Variants in SLC9A7 observed in about 807,000 individuals in gnomAD.
The protein encoded by SLC9A7 is sodium/hydrogen exchanger 7.
Under a neutral mutation model 52.6 loss-of-function variants are expected in SLC9A7, and 19 were observed. The observed-to-expected ratio is 0.36, with a 90% confidence interval of 0.25 to 0.53. The LOEUF (loss-of-function observed/expected upper bound fraction) is 0.53, where lower values mean the gene tolerates loss of function less well. Ranked by LOEUF, SLC9A7 falls within the 20% of genes least tolerant of loss-of-function variation. SLC9A7 has a pLI of 0.91. For synonymous variants in SLC9A7, 226 were observed against 252.1 expected (o/e 0.90, Z 0.98); for missense variants, 455 against 597.9 (o/e 0.76, Z 2.49).
At chrX:46,709,530 T>C (rs1944656299) in intron 1 of SLC9A7, among the ~76,000 whole-genome samples, 1 of 111,999 alleles carries the variant, frequency 8.9e-6, no homozygotes, top group Non-Finnish European at 1.9e-5. Flanking sequence ...CTTTTTTTGA[T>C]GTTTTTAAAA....
chrX:46,679,960 C>T (rs139789929), intron 2 of SLC9A7, among the ~76,000 whole-genome samples: 1,270 of 112,171 alleles, frequency 0.011, 17 homozygotes, highest in African/African-American at 0.039. Context: ...CACTTTTGCT[C>T]TTATGATCTT....
Position 46,669,615 on chromosome X carries a change from G to C in SLC9A7, c.785C>G (p.Thr262Ser). 8.9e-7 allele frequency: 1 copy of C among 1,129,411 alleles called. No homozygotes were observed. The highest frequency in any genetic ancestry group is 1.2e-6 in the Non-Finnish European group (1 of 834,875). The allele number at this position is 1,129,411 out of a possible 1,213,427, so 93.1% of individuals were successfully genotyped here. A position where few individuals can be genotyped will look rare whatever the true frequency, so the allele number is the denominator to read the frequency against. ...CLFFGAIISA[T>S]DPVTVLAIFN... is the part of the protein sequence containing the mutation. ...TACACAAAGCCAAATACCTGGGTCAGTGGCAGAGATGATTGCTCCAAAAAA... is the reference window on the plus strand; with the variant it reads ...TACACAAAGCCAAATACCTGGGTCACTGGCAGAGATGATTGCTCCAAAAAA... The change falls in exon 5 of 17, where the codon ACT (threonine) becomes AGT (serine). Residue 262 changes from threonine (T) to serine (S), a missense_variant. By Grantham distance (58) the Thr-to-Ser change is moderately conservative. Transcript: ENST00000616978.
intron 16 of SLC9A7, among the ~76,000 whole-genome samples, chrX:46,612,403 G>A (rs1457479519): frequency 9.0e-6 from 1 of 111,368 alleles, no homozygotes; most frequent in Non-Finnish European, 1.9e-5. Context: ...CAGGAGTGCA[G>A]GAGTCAGCCC....
chrX:46,737,031 C>T (rs1345240967), intron 1 of SLC9A7, among the ~76,000 whole-genome samples: 3 of 111,987 alleles, frequency 2.7e-5, no homozygotes, highest in Non-Finnish European at 5.6e-5. Flanking sequence ...CATTTCCTTT[C>T]CCAAGAAAGT....
intron 1 of SLC9A7, among the ~76,000 whole-genome samples, chrX:46,755,604 G>A (rs373328669): frequency 9.1e-6 from 1 of 110,467 alleles, no homozygotes; most frequent in Non-Finnish European, 1.9e-5. Context: ...GCTGAGGTGG[G>A]TGGAGGTCAG....
chrX:46,663,916 G>A (rs764222193), intron 5 of SLC9A7, among the ~76,000 whole-genome samples: 111 of 111,660 alleles, frequency 9.9e-4, no homozygotes, highest in Middle Eastern at 4.6e-3. Context: ...CCGAGATTGC[G>A]CCATTGCACT....
At chrX:46,613,435 CAT>C in intron 15 of SLC9A7, 41 bp from the exon 16 acceptor site, 1 of 994,958 alleles carries the variant, frequency 1.0e-6, no homozygotes, top group African/African-American at 1.9e-5. Context: ...GCAAAGAAAA[CAT>C]ATACACAACA....
intron 1 of SLC9A7, among the ~76,000 whole-genome samples, chrX:46,752,456 C>A (rs1273773029): frequency 2.7e-5 from 3 of 111,500 alleles, no homozygotes; most frequent in Non-Finnish European, 3.8e-5. Context: ...ACTCACCCTG[C>A]CTTTTTGTTT....
At chrX:46,633,952 G>A (rs541877113) in intron 13 of SLC9A7, among the ~76,000 whole-genome samples, 1 of 111,468 alleles carries the variant, frequency 9.0e-6, no homozygotes, top group South Asian at 3.7e-4. Flanking sequence ...GATTACAGGC[G>A]TGAGCCACCA....
intron 13 of SLC9A7, among the ~76,000 whole-genome samples, chrX:46,633,101 A>G (rs1200217450): frequency 9.2e-6 from 1 of 108,112 alleles, no homozygotes; most frequent in African/African-American, 3.4e-5. Flanking sequence ...GGAAAATCCT[A>G]TATCTGCCAT....
chrX:46,712,021 T>C lies in SLC9A7; in HGVS notation c.326-29486A>G, dbSNP rs183832022. ...GAGAGGCAAGAAAATAAAGTCTTCT[T>C]TCTGGGAGGTCATTGAACCTTCTAA... is the stretch of plus-strand genomic sequence containing the variant. On this transcript the variant is annotated intron_variant, in intron 1 of 16. Coordinates refer to ENST00000616978, the MANE Select transcript of SLC9A7 (RefSeq NM_001257291.2). Among the ~76,000 whole-genome samples, 28 of 110,620 alleles carry C rather than the reference T, an allele frequency of 2.5e-4. No individual in the cohort carries two copies. The East Asian group carries it at 8.0e-3, about 32-fold the overall frequency.
At chrX:46,700,907 A>G (rs1602246358) in intron 1 of SLC9A7, among the ~76,000 whole-genome samples, 1 of 111,659 alleles carries the variant, frequency 9.0e-6, no homozygotes, top group Admixed American at 9.5e-5. Context: ...TATGTTTTTA[A>G]GTTTCTTTTT....
chrX:46,620,021 C>T (rs765431957), intron 15 of SLC9A7, among the ~76,000 whole-genome samples: 1 of 112,188 alleles, frequency 8.9e-6, no homozygotes, highest in South Asian at 3.6e-4. Flanking sequence ...TATTTGTGTA[C>T]TTTTCTGTAT....
intron 1 of SLC9A7, among the ~76,000 whole-genome samples, chrX:46,701,662 C>T (rs1248963481): frequency 1.8e-5 from 2 of 111,357 alleles, no homozygotes; most frequent in South Asian, 3.8e-4. Flanking sequence ...AGATATAGTA[C>T]ACCTCAGGGG....
At chrX:46,712,567 G>A (rs968208477) in intron 1 of SLC9A7, among the ~76,000 whole-genome samples, 1 of 111,679 alleles carries the variant, frequency 9.0e-6, no homozygotes, top group African/African-American at 3.3e-5. Context: ...GAGATTTGGA[G>A]GGGACAAATA....
In SLC9A7 at chrX:46,687,831, GTCAC is replaced by G. The variant is rs1344467531; in HGVS notation, c.326-5300_326-5297del. The stretch of plus-strand genomic sequence containing the variant: ...TGATTTTGAAACATTTCCATCTGCA[GTCAC>G]TTCCTGCTTCCTACTCCAATTCCCA... On this transcript the variant is annotated intron_variant, in intron 1 of 16. Coordinates refer to ENST00000616978, the MANE Select transcript of SLC9A7 (RefSeq NM_001257291.2). 6.4e-3 allele frequency among the ~76,000 whole-genome samples: 719 copies of G among 111,948 alleles called. 5 individuals are homozygous for G. The highest frequency in any genetic ancestry group is 0.022 in the African/African-American group (689 of 30,798).
intron 1 of SLC9A7, among the ~76,000 whole-genome samples, chrX:46,731,658 A>G (rs1945043301): frequency 9.1e-6 from 1 of 110,329 alleles, no homozygotes; most frequent in Non-Finnish European, 1.9e-5. Context: ...TAAACACTTG[A>G]TAGTTATAAC....
At chrX:46,740,188 A>G (rs1280946090) in intron 1 of SLC9A7, among the ~76,000 whole-genome samples, 7 of 112,022 alleles carry the variant, frequency 6.2e-5, no homozygotes, top group Non-Finnish European at 1.3e-4. Context: ...GGATTACAAT[A>G]ACAAGAAAGA....
chrX:46,731,090 A>T (rs917258281), intron 1 of SLC9A7, among the ~76,000 whole-genome samples: 1 of 110,099 alleles, frequency 9.1e-6, no homozygotes, highest in Admixed American at 9.8e-5. Flanking sequence ...TAAGGTCCAT[A>T]ACAATTGGTA....
Sources: gnomAD v4.1 joint callset for allele counts (sites outside exome capture counted in the v4.1 genomes callset) on GRCh38, gnomAD v4.1.1 for gene constraint, MANE v1.5 for transcripts, NCBI Gene and HGNC (gene_info 2026-07-23, HGNC 2026-07-21) for gene names.